The following TAS2R1 variants were observed in gnomAD, a reference collection of about 807,000 sequenced individuals.
TAS2R1 encodes taste receptor type 2 member 1.
For missense variants in TAS2R1, 370 were observed against 353.4 expected (o/e 1.05, Z -0.38); for synonymous variants, 141 against 134.2 (o/e 1.05, Z -0.35).
chr5:9,737,225 G>T, the TAS2R1 span, among the ~76,000 whole-genome samples: 1 of 152,146 alleles, frequency 6.6e-6, no homozygotes, highest in Non-Finnish European at 1.5e-5. Flanking sequence ...CCTCCTACTA[G>T]AAGAACCCAG....
the TAS2R1 span, among the ~76,000 whole-genome samples, chr5:9,737,184 C>T: frequency 1.3e-5 from 2 of 152,082 alleles, no homozygotes; most frequent in African/African-American, 2.4e-5. Flanking sequence ...CTTCATCCTG[C>T]CCCATTGTTT....
chr5:9,847,349 T>C, the TAS2R1 span, among the ~76,000 whole-genome samples: 1 of 152,250 alleles, frequency 6.6e-6, no homozygotes, highest in African/African-American at 2.4e-5. Context: ...TTCCCCCTTT[T>C]GATTTTTATA....
the TAS2R1 span, among the ~76,000 whole-genome samples, chr5:9,720,262 G>T: frequency 6.6e-6 from 1 of 152,332 alleles, no homozygotes; most frequent in Admixed American, 6.5e-5. Context: ...TACTCTCGTG[G>T]ATCTGCGGGT....
At chr5:9,749,406 G>A in the TAS2R1 span, among the ~76,000 whole-genome samples, 18 of 152,190 alleles carry the variant, frequency 1.2e-4, no homozygotes, top group Non-Finnish European at 1.9e-4. Context: ...ATGGCATAGT[G>A]ATGTAGCTGA....
rs371368242 is a variant in TAS2R1, at chr5:9,629,487, C to T, written c.546G>A (p.Glu182=). ...GGAAGATAAGCAATGGCACTGAGAA[C>T]TCAGCAACAAAAGAGAAAATCTGTA... ...LAIQIFSFVA[E]FSVPLLIFLF... The change falls in exon 1 of 1, where the codon GAG becomes GAA. Residue 182 remains glutamate, a synonymous_variant. Transcript: ENST00000382492. 65 of 1,614,070 alleles carry T rather than the reference C, an allele frequency of 4.0e-5. No homozygotes were observed. Among genetic ancestry groups the T allele is most frequent in the Non-Finnish European group, 5.5e-5 (65 of 1,180,046 alleles).
chr5:9,722,254 TG>T, the TAS2R1 span, among the ~76,000 whole-genome samples: 1 of 152,216 alleles, frequency 6.6e-6, no homozygotes, highest in Admixed American at 6.5e-5. Context: ...TGCAACCTCA[TG>T]AAAGACTCAG....
the TAS2R1 span, among the ~76,000 whole-genome samples, chr5:9,758,060 T>G: frequency 6.6e-6 from 1 of 152,154 alleles, no homozygotes; most frequent in African/African-American, 2.4e-5. Context: ...GTTTTCAACG[T>G]AGCAGTTTGT....
chr5:9,748,698 G>A, the TAS2R1 span, among the ~76,000 whole-genome samples: 3 of 152,148 alleles, frequency 2.0e-5, no homozygotes, highest in Non-Finnish European at 4.4e-5. Context: ...TCACCCCAGA[G>A]GAAGGGCATT....
the TAS2R1 span, among the ~76,000 whole-genome samples, chr5:9,745,107 A>C: frequency 6.6e-6 from 1 of 152,132 alleles, no homozygotes; most frequent in South Asian, 2.1e-4. Flanking sequence ...ACCAAGTAAG[A>C]AGTTGTTACA....
the TAS2R1 span, among the ~76,000 whole-genome samples, chr5:9,835,460 A>G: frequency 6.6e-6 from 1 of 152,242 alleles, no homozygotes; most frequent in Non-Finnish European, 1.5e-5. Flanking sequence ...GCCTGTCAAT[A>G]AGAACAGAGA....
the TAS2R1 span, among the ~76,000 whole-genome samples, chr5:9,865,436 A>G: frequency 2.3e-3 from 354 of 152,230 alleles, 1 homozygote; most frequent in African/African-American, 7.5e-3. Context: ...AAACATCTCA[A>G]TGCATTATTT....
At chr5:9,667,856 T>C (rs1227289278) in intron 1 of TAS2R1, among the ~76,000 whole-genome samples, 2 of 152,072 alleles carry the variant, frequency 1.3e-5, no homozygotes, top group African/African-American at 4.8e-5. Flanking sequence ...TTATGGCAGC[T>C]CAAAAAGTCA....
chr5:9,701,720 C>T (rs1741488345), intron 1 of TAS2R1, among the ~76,000 whole-genome samples: 1 of 152,166 alleles, frequency 6.6e-6, no homozygotes, highest in South Asian at 2.1e-4. Context: ...TTCTCCAGTT[C>T]TTATCATAAC....
At chr5:9,803,519 A>C in the TAS2R1 span, among the ~76,000 whole-genome samples, 1 of 152,172 alleles carries the variant, frequency 6.6e-6, no homozygotes, top group Non-Finnish European at 1.5e-5. Flanking sequence ...ATAAAGGAAA[A>C]CCTATCAGAT....
chr5:9,633,266 AGTGTGT>A (rs141170591), upstream of TAS2R1, among the ~76,000 whole-genome samples: 18 of 121,868 alleles, frequency 1.5e-4, no homozygotes, highest in Admixed American at 2.5e-4. Context: ...AGTATTCCAT[AGTGTGT>A]GTGTGTGTGT....
rs142466289 is a variant in TAS2R1 at position 9,694,223 on chromosome 5, C to T, written c.-242+17949G>A. 4.0e-3 allele frequency among the ~76,000 whole-genome samples: 611 copies of T among 152,084 alleles called. 2 individuals carry two copies. The highest frequency in any genetic ancestry group is 0.014 in the African/African-American group (573 of 41,488). On this transcript the variant is annotated intron_variant, in intron 1 of 2. Coordinates refer to the TAS2R1 transcript ENST00000506620. ...TTTGCAGCTGTTGGCAATAAGAAAG[C>T]AGACGACAAATTGTAACAATGAAAA... is the stretch of plus-strand genomic sequence containing the variant.
chr5:9,842,807 A>G, the TAS2R1 span, among the ~76,000 whole-genome samples: 33 of 151,696 alleles, frequency 2.2e-4, no homozygotes, highest in African/African-American at 7.5e-4. Flanking sequence ...GTAAGTCTTG[A>G]CCTCTAATTA....
chr5:9,794,582 G>C, the TAS2R1 span, among the ~76,000 whole-genome samples: 2 of 151,992 alleles, frequency 1.3e-5, no homozygotes, highest in Non-Finnish European at 2.9e-5. Context: ...CACTTTAACA[G>C]GTTAAGAAAA....
rs773145095 is a variant in TAS2R1 at position 9,629,598 on chromosome 5, G to A, written c.435C>T (p.Ser145=). 19 of 1,614,016 alleles carry A rather than the reference G, an allele frequency of 1.2e-5. No individual in the cohort carries two copies. Among genetic ancestry groups the A allele is most frequent in the East Asian group, 1.1e-4 (5 of 44,892 alleles). The change falls in exon 1 of 1, where the codon AGC becomes AGT. Residue 145 remains serine (S), a synonymous_variant. Transcript: ENST00000382492. ...ATGGGACCATAAACCCTGCATATTT[G>A]CTATGGAAAACACAAATCATAGATA... The part of the protein sequence containing the change: ...LYVSMICVFH[S]KYAGFMVPYF...
Sources: gnomAD v4.1 joint callset for allele counts (sites outside exome capture counted in the v4.1 genomes callset) on GRCh38, gnomAD v4.1.1 for gene constraint, MANE v1.5 for transcripts, NCBI Gene and HGNC (gene_info 2026-07-23, HGNC 2026-07-21) for gene names.